The following FAM120B variants were observed in gnomAD, a reference collection of about 807,000 sequenced individuals.
FAM120B encodes family with sequence similarity 120 member B.
In FAM120B, 83 loss-of-function variants were observed where a neutral mutation model predicts 96.3. The ratio of observed to expected loss-of-function variants is 0.86; its 90% CI spans 0.72 to 1.03. FAM120B has a LOEUF of 1.03. FAM120B is among the 50% of genes least tolerant of loss of function. FAM120B has a pLI of 0.00. For missense variants in FAM120B, 1,027 were observed against 1,121.2 expected, an observed-to-expected ratio of 0.92 and a Z score of 1.20; for synonymous variants, 407 against 402.7, an observed-to-expected ratio of 1.01 and a Z score of -0.13.
intron 6 of FAM120B, among the ~76,000 whole-genome samples, chr6:170,385,440 G>A (rs1343163069): frequency 1.3e-5 from 2 of 152,204 alleles, no homozygotes; most frequent in African/African-American, 4.8e-5. Flanking sequence ...AACTCAGGGA[G>A]TGTGGTAGGT....
At chr6:170,327,479 A>G (rs1785672793) in intron 3 of FAM120B, among the ~76,000 whole-genome samples, 1 of 152,240 alleles carries the variant, frequency 6.6e-6, no homozygotes. Context: ...TTGACCCATG[A>G]GCTGGTAGTT....
chr6:170,304,698 C>T (rs1784217568), upstream of FAM120B, among the ~76,000 whole-genome samples: 1 of 152,106 alleles, frequency 6.6e-6, no homozygotes, highest in African/African-American at 2.4e-5. Flanking sequence ...CATGAACCTC[C>T]TGCGCATGAG....
chr6:170,315,966 A>T (rs1394231842), intron 1 of FAM120B, among the ~76,000 whole-genome samples: 1 of 149,334 alleles, frequency 6.7e-6, no homozygotes, highest in African/African-American at 2.5e-5. Flanking sequence ...AGCTAAGACA[A>T]GAGGATCGCT....
intron 3 of FAM120B, among the ~76,000 whole-genome samples, chr6:170,324,078 T>C (rs1785451350): frequency 6.6e-6 from 1 of 152,252 alleles, no homozygotes; most frequent in South Asian, 2.1e-4. Flanking sequence ...AGTAGGATAC[T>C]GGTGCAGGTG....
At chr6:170,330,342 G>A in intron 3 of FAM120B, 107 bp from the exon 4 acceptor site, 1 of 728,090 alleles carries the variant, frequency 1.4e-6, no homozygotes, top group South Asian at 1.7e-5. Flanking sequence ...CCTTGGATTT[G>A]AGAGCTCACC....
At chr6:170,323,713 GGTGTTTTTGTAATTT>G (rs1349038760) in intron 3 of FAM120B, among the ~76,000 whole-genome samples, 1 of 151,942 alleles carries the variant, frequency 6.6e-6, no homozygotes, top group East Asian at 1.9e-4. Context: ...ATTTTCCTTT[GGTGTTTTTGTAATTT>G]GTGTTTTTTC....
intron 1 of FAM120B, among the ~76,000 whole-genome samples, chr6:170,301,473 C>T (rs1438435193): frequency 6.6e-6 from 1 of 152,252 alleles, no homozygotes; most frequent in African/African-American, 2.4e-5. Context: ...GACATTTTCC[C>T]CACTGTTTTA....
At chr6:170,361,190 A>T (rs1190775646) in intron 6 of FAM120B, among the ~76,000 whole-genome samples, 1 of 84,464 alleles carries the variant, frequency 1.2e-5, no homozygotes, top group African/African-American at 5.0e-5. Flanking sequence ...AACTATATAT[A>T]TATACGTGTA....
chr6:170,372,959 T>C (rs1789287294), intron 6 of FAM120B, among the ~76,000 whole-genome samples: 1 of 152,234 alleles, frequency 6.6e-6, no homozygotes, highest in Admixed American at 6.5e-5. Context: ...CGCCAACTTG[T>C]AGGACAAGCA....
At chr6:170,399,331 A>T (rs940140887) in intron 9 of FAM120B, among the ~76,000 whole-genome samples, 19 of 148,912 alleles carry the variant, frequency 1.3e-4, no homozygotes, top group Admixed American at 2.6e-4. Flanking sequence ...TGAGTGAGAA[A>T]GGTAGAACTA....
In FAM120B at chr6:170,405,705, C is replaced by G. The variant is rs774117399; in HGVS notation, c.*954C>G. 1 of 152,256 alleles carries G rather than the reference C, an allele frequency of 6.6e-6. No homozygotes were observed. Among genetic ancestry groups the G allele is most frequent in the Non-Finnish European group, 1.5e-5 (1 of 68,046 alleles). 9.4% of individuals were successfully genotyped at this position (152,256 alleles called of 1,614,324 possible). On this transcript the variant is annotated 3_prime_UTR_variant, in exon 11 of 11. Coordinates refer to ENST00000476287, the MANE Select transcript of FAM120B (RefSeq NM_032448.3). The stretch of plus-strand genomic sequence containing the variant: ...AGAAAAGTAACAACTAACTTCCCAT[C>G]TTTCTGGTGGAAGAGTTAATTCTGC...
upstream of FAM120B, among the ~76,000 whole-genome samples, chr6:170,294,937 G>C (rs1220402787): frequency 6.6e-6 from 1 of 152,198 alleles, no homozygotes; most frequent in Non-Finnish European, 1.5e-5. This position sits in a 1 kb window ranked among gnomAD's most constrained non-coding sequence, Gnocchi z 7.9. Flanking sequence ...CTTCCAGGCA[G>C]CAAATCTGGT....
intron 4 of FAM120B, among the ~76,000 whole-genome samples, chr6:170,334,917 T>C (rs1786309456): frequency 6.6e-6 from 1 of 152,198 alleles, no homozygotes; most frequent in South Asian, 2.1e-4. Flanking sequence ...TGTATTGAGA[T>C]GTAAATGTAT....
chr6:170,293,223 G>A (rs1180518741), upstream of FAM120B, among the ~76,000 whole-genome samples: 5 of 152,088 alleles, frequency 3.3e-5, no homozygotes, highest in East Asian at 7.7e-4. Context: ...AGGAGCAGAA[G>A]AAATGTAAAA....
chr6:170,333,732 C>T (rs1298355508), intron 4 of FAM120B, among the ~76,000 whole-genome samples: 1 of 152,150 alleles, frequency 6.6e-6, no homozygotes, highest in Non-Finnish European at 1.5e-5. Context: ...ATGATCCTTC[C>T]GCTTCTGCCT....
chr6:170,305,660 T>C (rs1312181186), upstream of FAM120B, among the ~76,000 whole-genome samples: 1 of 152,104 alleles, frequency 6.6e-6, no homozygotes, highest in East Asian at 1.9e-4. Context: ...AATAAGTTGA[T>C]ATTAAAAATT....
At chr6:170,352,523 C>T (rs1417574791) in intron 5 of FAM120B, among the ~76,000 whole-genome samples, 5 of 152,240 alleles carry the variant, frequency 3.3e-5, no homozygotes, top group East Asian at 3.9e-4. Flanking sequence ...ATCACATAAT[C>T]GGAAGTAAAA....
intron 6 of FAM120B, among the ~76,000 whole-genome samples, chr6:170,382,787 G>A (rs140010740): frequency 5.4e-4 from 82 of 152,180 alleles, no homozygotes; most frequent in African/African-American, 1.8e-3. Context: ...TTGTAGATGC[G>A]CAAGATTATT....
intron 6 of FAM120B, among the ~76,000 whole-genome samples, chr6:170,384,483 C>A (rs1468655779): frequency 6.6e-6 from 1 of 152,102 alleles, no homozygotes; most frequent in Non-Finnish European, 1.5e-5. Context: ...AGCTGCTAAC[C>A]CAAAGAAACC....
Sources: allele counts gnomAD v4.1 joint callset (sites outside exome capture counted in the v4.1 genomes callset), GRCh38; gene constraint gnomAD v4.1.1; non-coding constraint Gnocchi (gnomAD v3.1); transcripts MANE v1.5; gene names NCBI Gene and HGNC (gene_info 2026-07-23, HGNC 2026-07-21).